The following SHLD3 variants were observed in gnomAD, a reference collection of about 807,000 sequenced individuals.
The protein encoded by SHLD3 is REV7-interacting novel NHEJ regulator 1.
Under a neutral mutation model 21.4 loss-of-function variants are expected in SHLD3, and 15 were observed. That is an observed-to-expected ratio of 0.70 (90% CI 0.47 to 1.08). SHLD3 has a LOEUF of 1.08. SHLD3 is among the 50% of genes least tolerant of loss of function. The probability of loss-of-function intolerance (pLI) is 0.00; values close to 1 mark genes in which losing one functional copy is unlikely to be tolerated. For missense variants in SHLD3, 273 were observed against 286.1 expected, an observed-to-expected ratio of 0.95 and a Z score of 0.33; for synonymous variants, 103 against 97.2, an observed-to-expected ratio of 1.06 and a Z score of -0.35.
chr5:65,628,717 G>A lies in SHLD3; in HGVS notation c.-120-751G>A, dbSNP rs991137023. ...AAGCTCCTGACCTCGTGATCTGCCCGCCTTGGCCCCCATAAAGTTCTGGGA... is the reference window on the plus strand; with the variant it reads ...AAGCTCCTGACCTCGTGATCTGCCCACCTTGGCCCCCATAAAGTTCTGGGA... On this transcript the variant is annotated intron_variant, in intron 1 of 1. Transcript: ENST00000510585. Among the ~76,000 whole-genome samples the A allele has an allele frequency of 7.9e-5, 12 of 151,762 alleles. No individual in the cohort carries two copies. The South Asian group carries it at 1.9e-3, about 24-fold the overall frequency.
rs575797684 is a variant in SHLD3 at position 65,629,831 on chromosome 5, C to T, written c.244C>T (p.His82Tyr). ...CATTTCAGAACATGATGCTAAGTCA[C>T]ACAGTTATGATTGCACAGTAGATCT... ...LTISEHDAKS[H>Y]SYDCTVDLLE... The change falls in exon 2 of 2, where the codon CAC (histidine) becomes TAC (tyrosine). Residue 82 changes from histidine to tyrosine, a missense_variant. Physicochemically the swap from His to Tyr is moderately conservative, Grantham distance 83 (BLOSUM62 2). Coordinates refer to ENST00000510585, the MANE Select transcript of SHLD3 (RefSeq NM_001365341.2). The T allele has an allele frequency of 2.0e-6, 3 of 1,536,022 alleles. No individual in the cohort carries two copies. The highest frequency in any genetic ancestry group is 1.7e-4 in the Middle Eastern group (1 of 5,988).
Position 65,630,634 on chromosome 5 carries a change from A to G in SHLD3, c.*294A>G, listed in dbSNP as rs1350578280. ...GTTTGGATTTTGGTTAATCTCTAAA[A>G]TCTAATTTTACTGTATTTTTTTCCT... On this transcript the variant is annotated 3_prime_UTR_variant, in exon 2 of 2. Transcript: ENST00000510585. 9.7e-7 allele frequency: 1 copy of G among 1,035,060 alleles called. No individual in the cohort carries two copies. Among genetic ancestry groups the G allele is most frequent in the East Asian group, 8.1e-5 (1 of 12,312 alleles). 64.1% of individuals were successfully genotyped at this position (1,035,060 alleles called of 1,614,324 possible). A position where few individuals can be genotyped will look rare whatever the true frequency, so the allele number is the denominator to read the frequency against.
chr5:65,625,082 C>G lies in SHLD3; in HGVS notation c.-145C>G. ...CAAAATGGAAGTGAATCCCCCTAAA[C>G]AGGAGCACCTGCTGGCGCTAAAAGG... On this transcript the variant is annotated 5_prime_UTR_variant, in exon 1 of 2. Transcript: ENST00000510585. 1.2e-6 allele frequency: 2 copies of G among 1,613,818 alleles called. No homozygotes were observed. Among genetic ancestry groups the G allele is most frequent in the East Asian group, 2.2e-5 (1 of 44,880 alleles).
chr5:65,627,935 G>T (rs1190918273), intron 1 of SHLD3, among the ~76,000 whole-genome samples: 1 of 152,156 alleles, frequency 6.6e-6, no homozygotes, highest in Non-Finnish European at 1.5e-5. Context: ...ATTGTGAAAT[G>T]ATGACAAGAA....
chr5:65,630,613 G>GTATATAGA lies in SHLD3; in HGVS notation c.*273_*274insTATATAGA. 9.4e-7 allele frequency: 1 copy of GTATATAGA among 1,069,016 alleles called. No homozygotes were observed. Among genetic ancestry groups the GTATATAGA allele is most frequent in the Non-Finnish European group, 1.1e-6 (1 of 884,414 alleles). The allele number at this position is 1,069,016 out of a possible 1,614,324, so 66.2% of individuals were successfully genotyped here. A position where few individuals can be genotyped will look rare whatever the true frequency, so the allele number is the denominator to read the frequency against. ...AGTCATGAATTAAGTTGTATAGTTT[G>GTATATAGA]GATTTTGGTTAATCTCTAAAATCTA... On this transcript the variant is annotated 3_prime_UTR_variant, in exon 2 of 2. Transcript: ENST00000510585.
chr5:65,626,275 G>A (rs1268098419), intron 1 of SHLD3: 1 of 152,192 alleles, frequency 6.6e-6, no homozygotes, highest in Non-Finnish European at 1.5e-5. Context: ...TAGTGATTGA[G>A]GCAGTGTTTC....
intron 1 of SHLD3, 64 bp downstream of exon 1, chr5:65,625,170 T>C: frequency 2.9e-6 from 4 of 1,394,222 alleles, no homozygotes; most frequent in Non-Finnish European, 4.1e-6. Context: ...TATCGAAGCC[T>C]TTGCCATGTA....
chr5:65,630,530 A>G lies in SHLD3; in HGVS notation c.*190A>G. 7.8e-7 allele frequency: 1 copy of G among 1,282,274 alleles called. No individual in the cohort carries two copies. Among genetic ancestry groups the G allele is most frequent in the Non-Finnish European group, 9.8e-7 (1 of 1,016,962 alleles). 79.4% of individuals were successfully genotyped at this position (1,282,274 alleles called of 1,614,324 possible). Reference sequence around the variant, plus strand: ...TTTTAAATGTGATAAATTATTGTTTACACTGAATTTGAAGGTAAAAATGTT... The same window carrying G: ...TTTTAAATGTGATAAATTATTGTTTGCACTGAATTTGAAGGTAAAAATGTT... On this transcript the variant is annotated 3_prime_UTR_variant, in exon 2 of 2. Coordinates refer to ENST00000510585, the MANE Select transcript of SHLD3 (RefSeq NM_001365341.2).
intron 1 of SHLD3, among the ~76,000 whole-genome samples, chr5:65,627,822 T>TATTTATGA (rs1279828106): frequency 6.6e-6 from 1 of 152,160 alleles, no homozygotes; most frequent in East Asian, 1.9e-4. Flanking sequence ...AGATCACAAT[T>TATTTATGA]ATTTATGAAT....
Position 65,630,370 on chromosome 5 carries a change from T to A in SHLD3, c.*30T>A. 2.1e-6 allele frequency: 3 copies of A among 1,457,344 alleles called. No homozygotes were observed. Among genetic ancestry groups the A allele is most frequent in the Non-Finnish European group, 2.7e-6 (3 of 1,110,414 alleles). 90.3% of individuals were successfully genotyped at this position (1,457,344 alleles called of 1,614,324 possible). On this transcript the variant is annotated 3_prime_UTR_variant, in exon 2 of 2. Transcript: ENST00000510585. The stretch of plus-strand genomic sequence containing the variant: ...TTCCACTGATTGTCAAAAAGAATAT[T>A]CTGAATGAAATGAATATGGATTGAA...
In SHLD3 at chr5:65,630,693, C is replaced by T. The variant is rs922752676; in HGVS notation, c.*353C>T. 1.0e-5 allele frequency: 10 copies of T among 991,662 alleles called. No homozygotes were observed. Among genetic ancestry groups the T allele is most frequent in the Non-Finnish European group, 1.1e-5 (9 of 831,102 alleles). The allele number at this position is 991,662 out of a possible 1,614,324, so 61.4% of individuals were successfully genotyped here. On this transcript the variant is annotated 3_prime_UTR_variant, in exon 2 of 2. Coordinates refer to ENST00000510585, the MANE Select transcript of SHLD3 (RefSeq NM_001365341.2). ...GTGTAATTTTTTAAAAAATAAAACT[C>T]GAAACAATTCTCTTTGGAGTGCTAT...
In SHLD3 at chr5:65,630,359, A is replaced by C; in HGVS notation, c.*19A>C. The C allele has an allele frequency of 1.4e-6, 2 of 1,469,830 alleles. No homozygotes were observed. Among genetic ancestry groups the C allele is most frequent in the Non-Finnish European group, 1.8e-6 (2 of 1,114,934 alleles). The allele number at this position is 1,469,830 out of a possible 1,614,324, so 91.0% of individuals were successfully genotyped here. On this transcript the variant is annotated 3_prime_UTR_variant, in exon 2 of 2. Coordinates refer to ENST00000510585, the MANE Select transcript of SHLD3 (RefSeq NM_001365341.2). ...TATGTAATGAATTCCACTGATTGTC[A>C]AAAAGAATATTCTGAATGAAATGAA...
intron 1 of SHLD3, chr5:65,625,956 C>T (rs1755206119): frequency 6.6e-6 from 1 of 152,160 alleles, no homozygotes; most frequent in African/African-American, 2.4e-5. Context: ...CCTTATCCTT[C>T]CCATTATGAT....
chr5:65,625,355 T>C (rs1206505514), intron 1 of SHLD3: 2 of 424,342 alleles, frequency 4.7e-6, no homozygotes, highest in African/African-American at 2.0e-5. Flanking sequence ...CACGAGATTT[T>C]AGCCGCAGAA....
At chr5:65,627,131 C>CAAAAAAAAAAAAAAAAAAAAAAAAAA (rs60169195) in intron 1 of SHLD3, among the ~76,000 whole-genome samples, 4 of 32,576 alleles carry the variant, frequency 1.2e-4, no homozygotes, top group Non-Finnish European at 1.3e-4. Flanking sequence ...GACCCTGTCT[C>CAAAAAAAAAAAAAAAAAAAAAAAAAA]AAAAAAAAAA....
At position 65,629,845 on chromosome 5, in the gene SHLD3, C is replaced by T. The variant is rs1486583743; in HGVS notation, c.258C>T (p.Cys86=). 5 of 1,536,012 alleles carry T rather than the reference C, an allele frequency of 3.3e-6. No homozygotes were observed. Among genetic ancestry groups the T allele is most frequent in the Non-Finnish European group, 2.6e-6 (3 of 1,146,876 alleles). ...ATGCTAAGTCACACAGTTATGATTG[C>T]ACAGTAGATCTATTGGAGTTTCAAC... is the stretch of plus-strand genomic sequence containing the variant. ...EHDAKSHSYD[C]TVDLLEFQPS... Residue 86 remains cysteine, a synonymous_variant, in exon 2 of 2, where the codon TGC becomes TGT. Transcript: ENST00000510585.
intron 1 of SHLD3, among the ~76,000 whole-genome samples, chr5:65,628,461 ATT>A (rs753065631): frequency 4.9e-5 from 7 of 143,492 alleles, no homozygotes; most frequent in Admixed American, 7.0e-5. Flanking sequence ...AATCCATATA[ATT>A]TTTTTTTTTT....
In SHLD3 at chr5:65,630,078, T is replaced by G; in HGVS notation, c.491T>G (p.Leu164Arg). ...DSLKALNLHS[L>R]YRARWTIEHT... The stretch of plus-strand genomic sequence containing the variant: ...TTAAAGGCACTAAATTTACACTCAC[T>G]TTATAGAGCAAGATGGACAATAGAA... Residue 164 changes from leucine (L) to arginine (R), a missense_variant, in exon 2 of 2, where the codon CTT becomes CGT. Transcript: ENST00000510585. The G allele has an allele frequency of 6.5e-7, 1 of 1,536,104 alleles. No homozygotes were observed. Among genetic ancestry groups the G allele is most frequent in the Non-Finnish European group, 8.7e-7 (1 of 1,146,892 alleles).
intron 1 of SHLD3, among the ~76,000 whole-genome samples, chr5:65,628,774 C>G (rs907546223): frequency 2.6e-5 from 4 of 151,694 alleles, no homozygotes; most frequent in African/African-American, 9.7e-5. Context: ...CCTGGCAAAT[C>G]TACATAATTT....
Sources: gnomAD v4.1 joint callset for allele counts (sites outside exome capture counted in the v4.1 genomes callset) on GRCh38, gnomAD v4.1.1 for gene constraint, MANE v1.5 for transcripts, NCBI Gene and HGNC (gene_info 2026-07-23, HGNC 2026-07-21) for gene names.